The following ITSN2 variants were observed in gnomAD, a reference collection of about 807,000 sequenced individuals.
ITSN2 encodes intersectin 2, also known as intersectin-2.
ITSN2 carries 156 observed loss-of-function variants against 243.7 expected under a neutral mutation model. The observed-to-expected ratio is 0.64, with a 90% CI of 0.56 to 0.73. The LOEUF (loss-of-function observed/expected upper bound fraction) is 0.73. Ranked by LOEUF, ITSN2 falls within the 30% of genes least tolerant of loss-of-function variation. ITSN2 has a pLI of 0.00. For missense variants in ITSN2, 1,801 were observed against 1,996.1 expected, an observed-to-expected ratio of 0.90 and a Z score of 1.86; for synonymous variants, 703 against 699.9, an observed-to-expected ratio of 1.00 and a Z score of -0.07.
At chr2:24,356,842 G>T (rs1339009195) in intron 1 of ITSN2, among the ~76,000 whole-genome samples, 2 of 151,782 alleles carry the variant, frequency 1.3e-5, no homozygotes, top group Non-Finnish European at 2.9e-5. Context: ...GGCGGAGGTT[G>T]CAGTGAGTTG....
intron 1 of ITSN2, among the ~76,000 whole-genome samples, chr2:24,345,316 T>A (rs572663665): frequency 3.9e-5 from 6 of 152,330 alleles, no homozygotes; most frequent in Non-Finnish European, 5.9e-5. Context: ...CTTCAAATAA[T>A]GTACAATTAT....
chr2:24,301,089 T>G (rs373479844), intron 11 of ITSN2, 65 bp downstream of exon 11: 4 of 848,662 alleles, frequency 4.7e-6, no homozygotes, highest in South Asian at 2.1e-5. Flanking sequence ...AAATATTCCA[T>G]TACATTTAAA....
chr2:24,209,786 C>T, intron 35 of ITSN2, 32 bp downstream of exon 35: 1 of 1,564,650 alleles, frequency 6.4e-7, no homozygotes, highest in South Asian at 1.1e-5. Flanking sequence ...TCATTAGGCC[C>T]CTGATGCTAC....
At chr2:24,233,699 T>C (rs1671844933) in intron 29 of ITSN2, among the ~76,000 whole-genome samples, 2 of 152,186 alleles carry the variant, frequency 1.3e-5, no homozygotes, top group African/African-American at 4.8e-5. Context: ...GTGTCAGACA[T>C]TAAACTTGTG....
rs776353609 is a variant in ITSN2, at chr2:24,286,344, C to G, written c.1731G>C (p.Gly577=). The change falls in exon 16 of 40, where the codon GGG becomes GGC. Residue 577 remains glycine, a synonymous_variant. Transcript: ENST00000355123. The part of the protein sequence containing the change: ...NMQFSNTPDS[G]VSLLHKKSLE... ...ATGATTTTTTATGAAGTAAACTGAC[C>G]CCTGAATCTGAAAAACAAACATCAG... The G allele has an allele frequency of 6.2e-7, 1 of 1,609,988 alleles. No individual in the cohort carries two copies. Among genetic ancestry groups the G allele is most frequent in the South Asian group, 1.1e-5 (1 of 90,446 alleles).
chr2:24,271,688 T>C, intron 19 of ITSN2, 78 bp downstream of exon 19: 1 of 1,416,384 alleles, frequency 7.1e-7, no homozygotes, highest in East Asian at 2.5e-5. Context: ...CTAATTTTCT[T>C]CCCTTTTTTT....
intron 15 of ITSN2, among the ~76,000 whole-genome samples, chr2:24,288,352 C>G (rs1453646389): frequency 6.6e-6 from 1 of 151,964 alleles, no homozygotes. Flanking sequence ...TTTGGGCTCT[C>G]TATTCTATTT....
chr2:24,265,312 C>T (rs544249209), intron 20 of ITSN2, among the ~76,000 whole-genome samples: 2 of 152,180 alleles, frequency 1.3e-5, no homozygotes, highest in Non-Finnish European at 2.9e-5. Flanking sequence ...ATAAACAGGT[C>T]TTGCAAATCT....
At chr2:24,337,144 G>C (rs1446152772) in intron 1 of ITSN2, among the ~76,000 whole-genome samples, 1 of 149,996 alleles carries the variant, frequency 6.7e-6, no homozygotes, top group African/African-American at 2.5e-5. Flanking sequence ...AGTGAGGAAG[G>C]CGGCTCAGGT....
chr2:24,216,408 T>C, intron 31 of ITSN2, 176 bp from the exon 32 acceptor site: 1 of 470,366 alleles, frequency 2.1e-6, no homozygotes, highest in Non-Finnish European at 3.7e-6. Context: ...GCTCTGCTGG[T>C]CAAGCCAACC....
In ITSN2 at chr2:24,295,790, CTGA is replaced by C; in HGVS notation, c.1506_1508del (p.His502del). The stretch of plus-strand genomic sequence containing the variant: ...CATCCTGAAGTCTGCCTGAGATCTG[CTGA>C]TGTTTGCCATTCTATAGGAAGATCA... On this transcript the variant is annotated inframe_deletion, in exon 14 of 40. Coordinates refer to ENST00000355123, the MANE Select transcript of ITSN2 (RefSeq NM_006277.3). The C allele has an allele frequency of 2.6e-6, 4 of 1,543,254 alleles. No individual in the cohort carries two copies. The highest frequency in any genetic ancestry group is 3.5e-6 in the Non-Finnish European group (4 of 1,153,350).
chr2:24,280,254 T>C (rs1221768127), intron 17 of ITSN2, among the ~76,000 whole-genome samples: 1 of 152,180 alleles, frequency 6.6e-6, no homozygotes, highest in Non-Finnish European at 1.5e-5. Context: ...TTAACCCCGG[T>C]GCTCTACTAT....
At chr2:24,325,899 C>T (rs1433228711) in intron 2 of ITSN2, among the ~76,000 whole-genome samples, 1 of 151,958 alleles carries the variant, frequency 6.6e-6, no homozygotes, top group Non-Finnish European at 1.5e-5. Flanking sequence ...GTAGTCTCAT[C>T]TCGGTTTTTA....
chr2:24,206,705 C>T (rs1408989687), intron 37 of ITSN2, among the ~76,000 whole-genome samples: 4 of 151,990 alleles, frequency 2.6e-5, no homozygotes, highest in South Asian at 2.1e-4. Flanking sequence ...ATGCTGGCCC[C>T]GATGTGGGAG....
At chr2:24,240,818 A>G (rs755345357) in intron 29 of ITSN2, 4 of 152,220 alleles carry the variant, frequency 2.6e-5, no homozygotes, top group African/African-American at 4.8e-5. Flanking sequence ...GTTGCATAAA[A>G]TTCTCCTTGA....
intron 29 of ITSN2, among the ~76,000 whole-genome samples, chr2:24,245,279 C>A (rs1673204912): frequency 6.6e-6 from 1 of 152,134 alleles, no homozygotes; most frequent in African/African-American, 2.4e-5. Context: ...TTGATTGATA[C>A]ATCCCTTGTG....
At chr2:24,335,479 T>G (rs1686260531) in intron 1 of ITSN2, among the ~76,000 whole-genome samples, 1 of 152,102 alleles carries the variant, frequency 6.6e-6, no homozygotes, top group African/African-American at 2.4e-5. Flanking sequence ...ACTACAGGCG[T>G]GTACCACCAT....
At chr2:24,268,116 T>G (rs760015214) in intron 20 of ITSN2, among the ~76,000 whole-genome samples, 4 of 152,238 alleles carry the variant, frequency 2.6e-5, no homozygotes, top group Non-Finnish European at 5.9e-5. Context: ...TAACTACTTA[T>G]TAATTAATGT....
At chr2:24,233,204 C>A (rs982049308) in intron 29 of ITSN2, among the ~76,000 whole-genome samples, 1 of 152,106 alleles carries the variant, frequency 6.6e-6, no homozygotes, top group Non-Finnish European at 1.5e-5. Flanking sequence ...CTTATTACAC[C>A]ATTAATCTCC....
Sources: gnomAD v4.1 joint callset for allele counts (sites outside exome capture counted in the v4.1 genomes callset) on GRCh38, gnomAD v4.1.1 for gene constraint, MANE v1.5 for transcripts, NCBI Gene and HGNC (gene_info 2026-07-23, HGNC 2026-07-21) for gene names.